GPC5: variants seen among roughly 807,000 people sequenced by gnomAD.
GPC5 encodes glypican 5.
Under a neutral mutation model 53.9 loss-of-function variants are expected in GPC5, and 47 were observed. That is an observed-to-expected ratio of 0.87 (90% CI 0.69 to 1.11). The LOEUF (loss-of-function observed/expected upper bound fraction) is 1.11. Ranked by LOEUF, GPC5 falls within the 50% of genes most tolerant of loss-of-function variation. GPC5 has a pLI of 0.00. For missense variants in GPC5, 748 were observed against 713.1 expected (o/e 1.05, Z -0.56); for synonymous variants, 286 against 263.3 (o/e 1.09, Z -0.84).
intron 5 of GPC5, among the ~76,000 whole-genome samples, chr13:91,804,306 G>A (rs2038185517): frequency 6.6e-6 from 1 of 151,792 alleles, no homozygotes; most frequent in African/African-American, 2.4e-5. Context: ...TTTGCTGCAT[G>A]TTTTCCCAAG....
At chr13:92,698,708 A>G (rs989469663) in intron 7 of GPC5, among the ~76,000 whole-genome samples, 3 of 152,092 alleles carry the variant, frequency 2.0e-5, no homozygotes, top group African/African-American at 7.2e-5. Context: ...GTCAAATGGT[A>G]TTTCTAGTTC....
chr13:91,623,637 T>C (rs1451504256), intron 2 of GPC5, among the ~76,000 whole-genome samples: 3 of 152,090 alleles, frequency 2.0e-5, no homozygotes, highest in African/African-American at 7.2e-5. Flanking sequence ...AAACTACATA[T>C]ATGGGCTGCA....
chr13:92,524,775 C>T (rs1881210590), intron 7 of GPC5, among the ~76,000 whole-genome samples: 1 of 152,054 alleles, frequency 6.6e-6, no homozygotes, highest in Non-Finnish European at 1.5e-5. Flanking sequence ...TCCTCAGAAA[C>T]AGCTTTTAGG....
intron 2 of GPC5, among the ~76,000 whole-genome samples, chr13:91,463,689 A>G: frequency 6.6e-6 from 1 of 152,246 alleles, no homozygotes; most frequent in African/African-American, 2.4e-5. Flanking sequence ...ATGGAGAAAG[A>G]ATATCCTTTT....
chr13:92,822,703 A>G (rs907089937), intron 7 of GPC5, among the ~76,000 whole-genome samples: 49 of 152,132 alleles, frequency 3.2e-4, no homozygotes, highest in African/African-American at 1.1e-3. Flanking sequence ...GTACTTGGAT[A>G]AAGTACCTGT....
chr13:92,144,660 C>T (rs746180971), intron 6 of GPC5, among the ~76,000 whole-genome samples, 170 bp from the exon 7 acceptor site: 6 of 152,150 alleles, frequency 3.9e-5, no homozygotes, highest in African/African-American at 9.6e-5. Context: ...AGACTTTGCC[C>T]GCTATTTATT....
intron 7 of GPC5, among the ~76,000 whole-genome samples, chr13:92,734,091 T>C (rs1015981626): frequency 6.6e-6 from 1 of 151,890 alleles, no homozygotes; most frequent in African/African-American, 2.4e-5. Context: ...TTCTTTGTGA[T>C]ATTGGCCTGT....
rs1290728661 is a variant in GPC5, at chr13:92,815,213, G to A, written c.1562-51069G>A. ...AACTGCTATGAAAGCAATAGCGCAA[G>A]GAGGTAAAGGTGATGAGAATGAGGC... is the stretch of plus-strand genomic sequence containing the variant. On this transcript the variant is annotated intron_variant, in intron 7 of 7. Transcript: ENST00000377067. Among the ~76,000 whole-genome samples the A allele has an allele frequency of 4.6e-5, 7 of 151,978 alleles. 1 individual carries two copies. The highest frequency in any genetic ancestry group is 1.5e-4 in the African/African-American group (6 of 41,244).
chr13:92,460,145 A>T (rs1469915893), intron 7 of GPC5, among the ~76,000 whole-genome samples: 1 of 152,072 alleles, frequency 6.6e-6, no homozygotes, highest in African/African-American at 2.4e-5. Context: ...CCATAAAAAT[A>T]AAAAAAATTT....
intron 7 of GPC5, among the ~76,000 whole-genome samples, chr13:92,570,073 A>AT (rs1882978573): frequency 6.6e-6 from 1 of 152,098 alleles, no homozygotes; most frequent in African/African-American, 2.4e-5. Flanking sequence ...TGCTTGAATG[A>AT]TTTTCACCAT....
intron 7 of GPC5, among the ~76,000 whole-genome samples, chr13:92,694,667 A>G (rs911800941): frequency 3.3e-5 from 5 of 152,212 alleles, no homozygotes; most frequent in African/African-American, 1.2e-4. Context: ...TTGATTTTAA[A>G]GGCTCATAGA....
chr13:92,587,566 G>A (rs563597924), intron 7 of GPC5, among the ~76,000 whole-genome samples: 1 of 145,222 alleles, frequency 6.9e-6, no homozygotes, highest in African/African-American at 2.5e-5. Flanking sequence ...CATTATTTAT[G>A]GTACTCCTGC....
intron 7 of GPC5, among the ~76,000 whole-genome samples, chr13:92,761,565 A>G (rs1202778703): frequency 6.6e-6 from 1 of 152,148 alleles, no homozygotes; most frequent in Non-Finnish European, 1.5e-5. Flanking sequence ...TAGGATTTGC[A>G]TGGAGTATCT....
At chr13:91,771,477 A>G (rs372680804) in intron 5 of GPC5, among the ~76,000 whole-genome samples, 3 of 152,220 alleles carry the variant, frequency 2.0e-5, no homozygotes, top group East Asian at 3.8e-4. Context: ...TGAATTGCAC[A>G]TATTTTATGC....
intron 7 of GPC5, among the ~76,000 whole-genome samples, chr13:92,212,893 A>G (rs1259040633): frequency 6.6e-6 from 1 of 152,192 alleles, no homozygotes; most frequent in African/African-American, 2.4e-5. Flanking sequence ...TAAACATTGC[A>G]TGTATCATCT....
chr13:91,807,908 A>G (rs2038247169), intron 5 of GPC5, among the ~76,000 whole-genome samples: 1 of 152,182 alleles, frequency 6.6e-6, no homozygotes, highest in Admixed American at 6.6e-5. Context: ...GTTTGTTTTT[A>G]ACCACAAGGT....
At chr13:92,646,954 G>A (rs1001807462) in intron 7 of GPC5, among the ~76,000 whole-genome samples, 23 of 150,772 alleles carry the variant, frequency 1.5e-4, no homozygotes, top group African/African-American at 5.6e-4. Flanking sequence ...GTGTGTGTGT[G>A]TGTGTGTGTG....
At chr13:92,464,800 G>A (rs1878627177) in intron 7 of GPC5, among the ~76,000 whole-genome samples, 1 of 151,638 alleles carries the variant, frequency 6.6e-6, no homozygotes, top group Non-Finnish European at 1.5e-5. Context: ...GTTTGTTTAT[G>A]GGCTCCAAAT....
intron 7 of GPC5, among the ~76,000 whole-genome samples, chr13:92,203,755 G>GGA (rs2042312823): frequency 7.0e-6 from 1 of 142,452 alleles, no homozygotes; most frequent in Non-Finnish European, 1.5e-5. Context: ...AACTTACTAG[G>GGA]AAAAAAAAAA....
Sources: gnomAD v4.1 joint callset for allele counts (sites outside exome capture counted in the v4.1 genomes callset) on GRCh38, gnomAD v4.1.1 for gene constraint, MANE v1.5 for transcripts, NCBI Gene and HGNC (gene_info 2026-07-23, HGNC 2026-07-21) for gene names.